Variants in EYS observed in about 807,000 individuals in gnomAD.
EYS encodes EGF-like photoreceptor maintenance factor.
A neutral mutation model predicts 282.1 loss-of-function variants in EYS; 250 were observed. The ratio of observed to expected loss-of-function variants is 0.89; its 90% CI spans 0.80 to 0.98. The LOEUF is 0.98. Among genes scored for constraint, EYS ranks in the 50% least tolerant of loss-of-function variants. The pLI is 0.00. For missense variants in EYS, 4,016 were observed against 3,709.0 expected, an observed-to-expected ratio of 1.08 and a Z score of -2.15; for synonymous variants, 1,355 against 1,282.9, an observed-to-expected ratio of 1.06 and a Z score of -1.20.
chr6:63,731,362 GT>G (rs1768776841), intron 41 of EYS, among the ~76,000 whole-genome samples: 2 of 151,998 alleles, frequency 1.3e-5, no homozygotes, highest in African/African-American at 4.8e-5. Flanking sequence ...GTTTATGTCT[GT>G]TGTATGTTTT....
chr6:64,037,021 T>C (rs1485725507), intron 33 of EYS, among the ~76,000 whole-genome samples: 1 of 152,146 alleles, frequency 6.6e-6, no homozygotes, highest in Non-Finnish European at 1.5e-5. Flanking sequence ...ATGTGGAGCC[T>C]CAGATGGCCA....
At chr6:65,300,443 T>A (rs1257200945) in intron 11 of EYS, among the ~76,000 whole-genome samples, 1 of 152,222 alleles carries the variant, frequency 6.6e-6, no homozygotes, top group Non-Finnish European at 1.5e-5. Flanking sequence ...CTTTTTCTTA[T>A]TACTTTGAGG....
At chr6:63,739,347 G>A (rs1769014884) in intron 41 of EYS, among the ~76,000 whole-genome samples, 1 of 152,140 alleles carries the variant, frequency 6.6e-6, no homozygotes, top group East Asian at 1.9e-4. Flanking sequence ...TGATTTCACA[G>A]GGAGCTCTGG....
At chr6:64,890,276 G>A (rs560722480) in intron 18 of EYS, among the ~76,000 whole-genome samples, 2 of 152,168 alleles carry the variant, frequency 1.3e-5, no homozygotes, top group Admixed American at 6.6e-5. Flanking sequence ...CTGTGATCTC[G>A]CCCTGCCTCC....
chr6:65,231,894 A>T (rs926520170), intron 12 of EYS, among the ~76,000 whole-genome samples: 10 of 151,934 alleles, frequency 6.6e-5, no homozygotes, highest in Non-Finnish European at 1.5e-4. Flanking sequence ...GTTGAAAAAG[A>T]TATAAAGGCT....
At chr6:64,057,267 A>T (rs376956320) in intron 33 of EYS, among the ~76,000 whole-genome samples, 1 of 152,190 alleles carries the variant, frequency 6.6e-6, no homozygotes, top group African/African-American at 2.4e-5. Flanking sequence ...TAAATTGTAA[A>T]ACAATTTATA....
rs535799529 is a variant in EYS, at chr6:64,806,436, ATT to A, written c.3443+6940_3443+6941del. 1.6e-3 allele frequency among the ~76,000 whole-genome samples: 237 copies of A among 151,836 alleles called. 2 individuals are homozygous for A. Among genetic ancestry groups the A allele is most frequent in the African/African-American group, 5.2e-3 (217 of 41,442 alleles). On this transcript the variant is annotated intron_variant, in intron 22 of 42. Transcript: ENST00000503581. Reference sequence around the variant, plus strand: ...CCAGTATGGATTACTTATCTCAAATATTTTTTTTAACAATATTATAGGATATC... The same window carrying A: ...CCAGTATGGATTACTTATCTCAAATATTTTTTAACAATATTATAGGATATC...
At chr6:64,848,373 T>G (rs1765780120) in intron 19 of EYS, among the ~76,000 whole-genome samples, 1 of 152,106 alleles carries the variant, frequency 6.6e-6, no homozygotes, top group African/African-American at 2.4e-5. Context: ...CCTCTTGAAT[T>G]GCAGAATAGG....
chr6:65,501,734 A>G (rs1222429529), intron 2 of EYS, among the ~76,000 whole-genome samples: 9 of 151,766 alleles, frequency 5.9e-5, no homozygotes, highest in Non-Finnish European at 1.3e-4. Flanking sequence ...ATAAAAAAGT[A>G]TAGAGATTAT....
At chr6:64,556,114 C>T (rs531709879) in intron 26 of EYS, among the ~76,000 whole-genome samples, 50 of 152,030 alleles carry the variant, frequency 3.3e-4, no homozygotes, top group African/African-American at 1.2e-3. Flanking sequence ...TTACCAACAA[C>T]TGATAAATTT....
intron 2 of EYS, among the ~76,000 whole-genome samples, chr6:65,498,029 T>A (rs1358033769): frequency 6.6e-6 from 1 of 151,976 alleles, no homozygotes; most frequent in East Asian, 1.9e-4. Flanking sequence ...GCAATACAAA[T>A]ATAACACTCG....
chr6:65,581,545 G>C (rs1446101451), intron 2 of EYS, among the ~76,000 whole-genome samples: 2 of 151,926 alleles, frequency 1.3e-5, no homozygotes, highest in African/African-American at 4.8e-5. Flanking sequence ...AGTCAATGAG[G>C]GAAACAAAAA....
At chr6:65,406,757 C>A (rs1766761801) in intron 5 of EYS, among the ~76,000 whole-genome samples, 1 of 151,982 alleles carries the variant, frequency 6.6e-6, no homozygotes, top group South Asian at 2.1e-4. Flanking sequence ...TAAAGTTGCA[C>A]ATAGATATGC....
At chr6:65,586,946 T>A (rs1765070869) in intron 2 of EYS, among the ~76,000 whole-genome samples, 1 of 152,110 alleles carries the variant, frequency 6.6e-6, no homozygotes, top group African/African-American at 2.4e-5. Flanking sequence ...AAAATTCAAG[T>A]TATGGATCAC....
At chr6:64,666,783 C>A (rs1769244670) in intron 22 of EYS, among the ~76,000 whole-genome samples, 1 of 152,184 alleles carries the variant, frequency 6.6e-6, no homozygotes, top group South Asian at 2.1e-4. Flanking sequence ...AATAACCAGT[C>A]TGTTTATCCT....
intron 2 of EYS, among the ~76,000 whole-genome samples, chr6:65,508,534 C>T (rs765000045): frequency 5.8e-4 from 88 of 151,544 alleles, no homozygotes; most frequent in Admixed American, 2.6e-3. Context: ...ATTAGCTGGG[C>T]GTGGTGGCAG....
intron 2 of EYS, among the ~76,000 whole-genome samples, chr6:65,623,702 A>C (rs1452968581): frequency 6.6e-6 from 1 of 152,226 alleles, no homozygotes; most frequent in Non-Finnish European, 1.5e-5. Context: ...TTGTTAAATA[A>C]ACATGGAATT....
chr6:65,024,018 A>G (rs895325468), intron 13 of EYS, among the ~76,000 whole-genome samples: 2 of 152,196 alleles, frequency 1.3e-5, no homozygotes, highest in African/African-American at 4.8e-5. Flanking sequence ...ACTACATGCC[A>G]TAGCCCTCTT....
At chr6:65,214,962 C>T (rs774054814) in intron 12 of EYS, among the ~76,000 whole-genome samples, 3 of 151,984 alleles carry the variant, frequency 2.0e-5, no homozygotes, top group Non-Finnish European at 4.4e-5. Flanking sequence ...TTGAGAACTG[C>T]TGGTGAGAAA....
Sources: allele counts gnomAD v4.1 joint callset (sites outside exome capture counted in the v4.1 genomes callset), GRCh38; gene constraint gnomAD v4.1.1; transcripts MANE v1.5; gene names NCBI Gene and HGNC (gene_info 2026-07-23, HGNC 2026-07-21).